PLD5: variants seen among roughly 807,000 people sequenced by gnomAD.
PLD5 encodes phospholipase D family member 5.
Under a neutral mutation model 61.1 loss-of-function variants are expected in PLD5, and 36 were observed. The ratio of observed to expected loss-of-function variants is 0.59; its 90% CI spans 0.45 to 0.78. The LOEUF (loss-of-function observed/expected upper bound fraction) is 0.78, where lower values mean the gene tolerates loss of function less well. Among genes scored for constraint, PLD5 ranks in the 30% least tolerant of loss-of-function variants. The pLI is 0.00. For synonymous variants in PLD5, 243 were observed against 242.8 expected (o/e 1.00, Z -0.01); for missense variants, 515 against 644.4 (o/e 0.80, Z 2.17).
intron 1 of PLD5, among the ~76,000 whole-genome samples, chr1:242,493,709 A>G (rs1668250444): frequency 6.6e-6 from 1 of 152,054 alleles, no homozygotes; most frequent in African/African-American, 2.4e-5. Flanking sequence ...ACCCACACAC[A>G]TGCCCTCTGG....
intron 1 of PLD5, among the ~76,000 whole-genome samples, chr1:242,446,556 A>C (rs1443214843): frequency 6.6e-6 from 1 of 152,066 alleles, no homozygotes; most frequent in Non-Finnish European, 1.5e-5. Context: ...GGGTGGCCTG[A>C]GTGACGGAAT....
intron 1 of PLD5, among the ~76,000 whole-genome samples, chr1:242,443,426 G>T (rs562550528): frequency 2.4e-4 from 36 of 152,256 alleles, no homozygotes; most frequent in Middle Eastern, 6.8e-3. Flanking sequence ...AGGTGAACTG[G>T]TTGGTGGGTC....
intron 4 of PLD5, among the ~76,000 whole-genome samples, chr1:242,231,147 C>A (rs1045565804): frequency 6.6e-6 from 1 of 152,202 alleles, no homozygotes; most frequent in Non-Finnish European, 1.5e-5. Context: ...TACAGTGGCT[C>A]ATTAGTTCTA....
chr1:242,404,651 T>C (rs1184818183), intron 1 of PLD5, among the ~76,000 whole-genome samples: 1 of 122,918 alleles, frequency 8.1e-6, no homozygotes, highest in African/African-American at 3.5e-5. Context: ...TCCTAACCCT[T>C]GCCAGCCCTC....
At position 242,485,750 on chromosome 1, in the gene PLD5, T is replaced by C. The variant is rs1028647340; in HGVS notation, c.189+38338A>G. On this transcript the variant is annotated intron_variant, in intron 1 of 9. Transcript: ENST00000536534. ...ATATGGAACCAAAAAAGAGCTCGCA[T>C]TGCCAAGTCAATCCTAAGCCAAAAG... Among the ~76,000 whole-genome samples, 248 of 152,318 alleles carry C rather than the reference T, an allele frequency of 1.6e-3. 1 individual carries two copies. The highest frequency in any genetic ancestry group is 3.4e-3 in the Middle Eastern group (1 of 294).
chr1:242,114,803 A>C (rs149301984), intron 6 of PLD5, among the ~76,000 whole-genome samples: 49 of 152,302 alleles, frequency 3.2e-4, no homozygotes, highest in African/African-American at 1.0e-3. Context: ...GCACAAAAAG[A>C]AGCTCAGGGC....
At chr1:242,126,506 A>G (rs1027500069) in intron 5 of PLD5, among the ~76,000 whole-genome samples, 1 of 152,230 alleles carries the variant, frequency 6.6e-6, no homozygotes, top group Admixed American at 6.5e-5. Context: ...AAATAAGCCC[A>G]AATACTTACA....
intron 6 of PLD5, among the ~76,000 whole-genome samples, chr1:242,119,555 G>A (rs1662210747): frequency 6.6e-6 from 1 of 152,204 alleles, no homozygotes; most frequent in South Asian, 2.1e-4. Flanking sequence ...TAGATATTTT[G>A]TGTCTCTTCT....
chr1:242,357,246 A>G (rs1660801689), intron 1 of PLD5, among the ~76,000 whole-genome samples: 1 of 151,766 alleles, frequency 6.6e-6, no homozygotes, highest in Non-Finnish European at 1.5e-5. Flanking sequence ...AGCACTTTGA[A>G]AATACTATCC....
chr1:242,456,401 C>T (rs1368931257), intron 1 of PLD5, among the ~76,000 whole-genome samples: 2 of 152,170 alleles, frequency 1.3e-5, no homozygotes, highest in African/African-American at 4.8e-5. Flanking sequence ...CTGGTGGCGA[C>T]TGGACTGAAA....
At chr1:242,519,255 G>T (rs910297471) in intron 1 of PLD5, among the ~76,000 whole-genome samples, 1 of 152,132 alleles carries the variant, frequency 6.6e-6, no homozygotes, top group African/African-American at 2.4e-5. Flanking sequence ...AGCCTAGACC[G>T]CTGTGACCAA....
At chr1:242,384,262 G>A (rs904010094) in intron 1 of PLD5, among the ~76,000 whole-genome samples, 1 of 152,178 alleles carries the variant, frequency 6.6e-6, no homozygotes, top group Non-Finnish European at 1.5e-5. Context: ...TACATACTGG[G>A]TAACAAAGGT....
intron 5 of PLD5, among the ~76,000 whole-genome samples, chr1:242,144,827 T>C (rs1664436006): frequency 1.3e-5 from 2 of 152,008 alleles, no homozygotes; most frequent in Non-Finnish European, 2.9e-5. Context: ...CAAAGCTGAC[T>C]CCTGGGTTTC....
At chr1:242,246,478 AACACACACACACACACAC>A (rs34723926) in intron 4 of PLD5, among the ~76,000 whole-genome samples, 7 of 141,218 alleles carry the variant, frequency 5.0e-5, no homozygotes, top group South Asian at 2.4e-4. Flanking sequence ...TAGAAAAGAC[AACACACACACACACACAC>A]ACACACACAC....
chr1:242,386,726 T>C (rs1396956339), intron 1 of PLD5, among the ~76,000 whole-genome samples: 1 of 151,992 alleles, frequency 6.6e-6, no homozygotes, highest in Non-Finnish European at 1.5e-5. Context: ...TGTACTCTGG[T>C]TAGGGAAAAA....
At chr1:242,296,381 T>C (rs1033461132) in intron 2 of PLD5, among the ~76,000 whole-genome samples, 6 of 152,256 alleles carry the variant, frequency 3.9e-5, no homozygotes, top group Non-Finnish European at 7.3e-5. Flanking sequence ...TTTAGTTTAA[T>C]TAATTGCCAT....
intron 4 of PLD5, among the ~76,000 whole-genome samples, chr1:242,260,595 A>C (rs375695732): frequency 6.6e-6 from 1 of 152,210 alleles, no homozygotes; most frequent in African/African-American, 2.4e-5. Context: ...AACAAAAATG[A>C]AAAGCTGTAT....
intron 2 of PLD5, among the ~76,000 whole-genome samples, chr1:242,295,175 T>C (rs988747409): frequency 1.2e-4 from 18 of 152,032 alleles, no homozygotes; most frequent in Non-Finnish European, 5.9e-5. Flanking sequence ...CACACGCAGG[T>C]TTCTTGCATG....
At chr1:242,516,252 A>T (rs1256890004) in intron 1 of PLD5, among the ~76,000 whole-genome samples, 2 of 23,460 alleles carry the variant, frequency 8.5e-5, no homozygotes, top group Non-Finnish European at 2.0e-4. Flanking sequence ...AAGTTAAATT[A>T]TATATATATA....
Sources: gnomAD v4.1 joint callset for allele counts (sites outside exome capture counted in the v4.1 genomes callset) on GRCh38, gnomAD v4.1.1 for gene constraint, MANE v1.5 for transcripts, NCBI Gene and HGNC (gene_info 2026-07-23, HGNC 2026-07-21) for gene names.